The following ROR2 variants were observed in gnomAD, a reference collection of about 807,000 sequenced individuals.
ROR2 encodes ROR family WNT receptor 2.
ROR2 carries 33 observed loss-of-function variants against 74.9 expected under a neutral mutation model. The ratio of observed to expected loss-of-function variants is 0.44; its 90% CI spans 0.33 to 0.59. The LOEUF (loss-of-function observed/expected upper bound fraction) is 0.59. ROR2 is among the 20% of genes least tolerant of loss of function. The pLI is 0.02. For missense variants in ROR2, 1,216 were observed against 1,313.8 expected (o/e 0.93, Z 1.15); for synonymous variants, 586 against 558.7 (o/e 1.05, Z -0.69).
chr9:91,750,757 G>A (rs192396203), intron 4 of ROR2, among the ~76,000 whole-genome samples: 2 of 152,150 alleles, frequency 1.3e-5, no homozygotes, highest in Non-Finnish European at 2.9e-5. Context: ...AAAATACCAC[G>A]AGTGTTGATT....
chr9:91,767,143 C>T (rs1240861085), intron 2 of ROR2, among the ~76,000 whole-genome samples: 1 of 151,656 alleles, frequency 6.6e-6, no homozygotes, highest in African/African-American at 2.4e-5. Flanking sequence ...GGCGTGATCT[C>T]GGCTCACCAC....
At chr9:91,802,643 C>T (rs1827425248) in intron 1 of ROR2, among the ~76,000 whole-genome samples, 2 of 152,062 alleles carry the variant, frequency 1.3e-5, no homozygotes, top group African/African-American at 4.8e-5. Context: ...GCAAGGCTTA[C>T]AAAACTCCAG....
intron 1 of ROR2, among the ~76,000 whole-genome samples, chr9:91,878,588 T>C (rs1043753117): frequency 2.6e-5 from 4 of 152,254 alleles, no homozygotes; most frequent in Non-Finnish European, 5.9e-5. Context: ...ATCCAGTGCC[T>C]GGCTGGGCTC....
intron 2 of ROR2, among the ~76,000 whole-genome samples, chr9:91,763,336 A>AG (rs1420146750): frequency 6.6e-6 from 1 of 152,202 alleles, no homozygotes; most frequent in Non-Finnish European, 1.5e-5. Context: ...GAAAGTTGGA[A>AG]GGGGAAAAAA....
At chr9:91,817,164 G>C (rs1287814755) in intron 1 of ROR2, among the ~76,000 whole-genome samples, 1 of 152,164 alleles carries the variant, frequency 6.6e-6, no homozygotes, top group East Asian at 1.9e-4. Flanking sequence ...CTCAGTGCTG[G>C]TGAGGCGGTT....
intron 1 of ROR2, among the ~76,000 whole-genome samples, chr9:91,808,546 C>T (rs1048365459): frequency 1.2e-4 from 18 of 152,042 alleles, no homozygotes; most frequent in Admixed American, 4.6e-4. Context: ...ATCACTTGAA[C>T]CCGGAAGGTG....
At chr9:91,843,258 A>G (rs530589770) in intron 1 of ROR2, among the ~76,000 whole-genome samples, 21 of 152,264 alleles carry the variant, frequency 1.4e-4, no homozygotes, top group African/African-American at 5.1e-4. Flanking sequence ...CTCCCCTGGA[A>G]TGAGGGCCTC....
chr9:91,929,602 A>G (rs1831498874), intron 1 of ROR2, among the ~76,000 whole-genome samples: 2 of 152,174 alleles, frequency 1.3e-5, no homozygotes, highest in Admixed American at 6.5e-5. Flanking sequence ...ATTCTTTTCA[A>G]TTCAACTTAT....
chr9:91,806,877 T>C (rs534913010), intron 1 of ROR2, among the ~76,000 whole-genome samples: 53 of 152,302 alleles, frequency 3.5e-4, no homozygotes, highest in East Asian at 1.5e-3. Context: ...GCATAAGCCA[T>C]CGCGCCTGGC....
At chr9:91,861,351 T>C (rs1313823776) in intron 1 of ROR2, among the ~76,000 whole-genome samples, 2 of 152,226 alleles carry the variant, frequency 1.3e-5, no homozygotes, top group African/African-American at 2.4e-5. Flanking sequence ...GGAACTAAGT[T>C]GGAGGACTCA....
At chr9:91,949,833 C>T in intron 1 of ROR2, 34 bp downstream of exon 1, 2 of 1,330,958 alleles carry the variant, frequency 1.5e-6, no homozygotes, top group Non-Finnish European at 2.1e-6. Flanking sequence ...CCGTGAGCTA[C>T]CGTCTGCGCA....
intron 2 of ROR2, among the ~76,000 whole-genome samples, chr9:91,758,874 C>T (rs1434896186): frequency 2.0e-5 from 3 of 152,230 alleles, no homozygotes; most frequent in Non-Finnish European, 2.9e-5. Context: ...AGAACTACTC[C>T]GTCTCTTAAG....
intron 1 of ROR2, among the ~76,000 whole-genome samples, chr9:91,802,096 T>C (rs1209536186): frequency 1.5e-5 from 2 of 137,808 alleles, no homozygotes; most frequent in South Asian, 2.3e-4. Context: ...TTTTTGGAGA[T>C]GGAGTCTCGC....
chr9:91,847,947 G>A (rs1828978747), intron 1 of ROR2, among the ~76,000 whole-genome samples: 2 of 152,206 alleles, frequency 1.3e-5, no homozygotes, highest in South Asian at 4.1e-4. Flanking sequence ...TGGCAGTACA[G>A]AAACTGTCTC....
At position 91,948,917 on chromosome 9, in the gene ROR2, C is replaced by G. The variant is rs1384028764; in HGVS notation, c.97+950G>C. 3 of 985,194 alleles carry G rather than the reference C, an allele frequency of 3.0e-6. No homozygotes were observed. In the African/African-American group the frequency reaches 5.2e-5, roughly 17 times the overall value. 61.0% of individuals were successfully genotyped at this position (985,194 alleles called of 1,614,324 possible). A position where few individuals can be genotyped will look rare whatever the true frequency, so the allele number is the denominator to read the frequency against. On this transcript the variant is annotated intron_variant, in intron 1 of 8. Transcript: ENST00000375708. ...CGGGAGGTGCTCCCGGAGTCTGCACCGCCAGAGCTAACGCCGCCTCCTCCA... is the reference window on the plus strand; with the variant it reads ...CGGGAGGTGCTCCCGGAGTCTGCACGGCCAGAGCTAACGCCGCCTCCTCCA...
chr9:91,904,074 T>G (rs968253550), intron 1 of ROR2, among the ~76,000 whole-genome samples: 5 of 151,592 alleles, frequency 3.3e-5, no homozygotes, highest in Middle Eastern at 6.8e-3. Flanking sequence ...AGAGTCTCGC[T>G]CTGCCGCATA....
intron 1 of ROR2, among the ~76,000 whole-genome samples, chr9:91,947,171 C>T (rs1322350658): frequency 6.6e-6 from 1 of 152,226 alleles, no homozygotes; most frequent in Non-Finnish European, 1.5e-5. Context: ...GGAAAACGCA[C>T]ATTTTAAAAA....
intron 4 of ROR2, among the ~76,000 whole-genome samples, chr9:91,748,648 A>T (rs1032487961): frequency 6.6e-6 from 1 of 152,242 alleles, no homozygotes; most frequent in East Asian, 1.9e-4. Context: ...AAAGATTATC[A>T]GTATCATTAG....
At chr9:91,835,346 G>A (rs767446403) in intron 1 of ROR2, among the ~76,000 whole-genome samples, 5 of 152,196 alleles carry the variant, frequency 3.3e-5, no homozygotes, top group Non-Finnish European at 7.3e-5. Flanking sequence ...AAGGAGACAT[G>A]TACAATTTCA....
Sources: gnomAD v4.1 joint callset for allele counts (sites outside exome capture counted in the v4.1 genomes callset) on GRCh38, gnomAD v4.1.1 for gene constraint, MANE v1.5 for transcripts, NCBI Gene and HGNC (gene_info 2026-07-23, HGNC 2026-07-21) for gene names.